PRKN: variants seen among roughly 807,000 people sequenced by gnomAD.
PRKN encodes E3 ubiquitin-protein ligase parkin.
Under a neutral mutation model 59.5 loss-of-function variants are expected in PRKN, and 56 were observed. The observed-to-expected ratio is 0.94, with a 90% CI of 0.76 to 1.18. The LOEUF (loss-of-function observed/expected upper bound fraction) is 1.18, where lower values mean the gene tolerates loss of function less well. Ranked by LOEUF, PRKN falls within the 50% of genes most tolerant of loss-of-function variation. The pLI is 0.00. For synonymous variants in PRKN, 250 were observed against 222.1 expected, an observed-to-expected ratio of 1.13 and a Z score of -1.12; for missense variants, 657 against 596.4, an observed-to-expected ratio of 1.10 and a Z score of -1.06.
intron 1 of PRKN, among the ~76,000 whole-genome samples, chr6:162,652,805 G>A (rs891063756): frequency 2.6e-5 from 4 of 151,660 alleles, no homozygotes; most frequent in Non-Finnish European, 5.9e-5. Context: ...AGAAGAAGAA[G>A]AAAAAATAAA....
rs1470328107 is a variant in PRKN at position 161,576,855 on chromosome 6, C to G, written c.872-7439G>C. ...ATGAGTTAGCTAGAGTGAAATGTAT[C>G]AAAACAGGTAAATCTCAAAATCATA... On this transcript the variant is annotated intron_variant, in intron 7 of 11. Coordinates refer to ENST00000366898, the MANE Select transcript of PRKN (RefSeq NM_004562.3). This position sits in a 1 kb window ranked among gnomAD's most constrained non-coding sequence, Gnocchi z 4.6. Among the ~76,000 whole-genome samples, 2 of 152,044 alleles carry G rather than the reference C, an allele frequency of 1.3e-5. No homozygotes were observed. Among genetic ancestry groups the G allele is most frequent in the Non-Finnish European group, 2.9e-5 (2 of 68,024 alleles).
chr6:161,737,342 G>A (rs1282517708), intron 7 of PRKN, among the ~76,000 whole-genome samples: 2 of 152,228 alleles, frequency 1.3e-5, no homozygotes, highest in African/African-American at 4.8e-5. Flanking sequence ...GCGCCCTTGC[G>A]AAGGCTGAGG....
Position 161,844,837 on chromosome 6 carries a change from C to G in PRKN, c.735-58929G>C, listed in dbSNP as rs140283546. Among the ~76,000 whole-genome samples the G allele has an allele frequency of 4.0e-3, 606 of 152,352 alleles. 5 individuals are homozygous for G. Among genetic ancestry groups the G allele is most frequent in the African/African-American group, 0.014 (575 of 41,590 alleles). On this transcript the variant is annotated intron_variant, in intron 6 of 11. Coordinates refer to ENST00000366898, the MANE Select transcript of PRKN (RefSeq NM_004562.3). ...CCTGCCTGCCTCCTGGTGTGCAATG[C>G]TGATGTCAGCCGTGGAGTTGGCGTA...
chr6:161,455,861 CAAAAAAA>C lies in PRKN; in HGVS notation c.1084-68991_1084-68985del, dbSNP rs60382394. Reference sequence around the variant, plus strand: ...CTGGCGACACAGCAAGACTCCGTCTCAAAAAAAAAAAAAAAAAAATTAGGTGCATACA... The same window carrying C: ...CTGGCGACACAGCAAGACTCCGTCTCAAAAAAAAAAAATTAGGTGCATACA... On this transcript the variant is annotated intron_variant, in intron 9 of 11. Transcript: ENST00000366898. Among the ~76,000 whole-genome samples, 6 of 72,802 alleles carry C rather than the reference CAAAAAAA, an allele frequency of 8.2e-5. No individual in the cohort carries two copies. The East Asian group carries it at 2.3e-3, about 28-fold the overall frequency. The allele number at this position is 72,802 out of a possible 152,430, so 47.8% of individuals were successfully genotyped here. A position where few individuals can be genotyped will look rare whatever the true frequency, so the allele number is the denominator to read the frequency against.
rs142008479 is a variant in PRKN, at chr6:162,211,604, T to G, written c.413-10352A>C. On this transcript the variant is annotated intron_variant, in intron 3 of 11. Coordinates refer to ENST00000366898, the MANE Select transcript of PRKN (RefSeq NM_004562.3). The stretch of plus-strand genomic sequence containing the variant: ...AGAGGAATGGCATTAATTAAGAGAG[T>G]AGAGCAACACGGTGTGAGCCTCCAA... Among the ~76,000 whole-genome samples, 120 of 152,192 alleles carry G rather than the reference T, an allele frequency of 7.9e-4. 1 individual carries two copies. The highest frequency in any genetic ancestry group is 2.6e-3 in the African/African-American group (108 of 41,530).
intron 2 of PRKN, among the ~76,000 whole-genome samples, chr6:162,273,169 C>T (rs1165051932): frequency 6.6e-6 from 1 of 151,938 alleles, no homozygotes; most frequent in Non-Finnish European, 1.5e-5. Flanking sequence ...ACAAAAGTAG[C>T]TGTTTTTGTA....
At chr6:161,703,275 T>C (rs1477122847) in intron 7 of PRKN, among the ~76,000 whole-genome samples, 2 of 152,048 alleles carry the variant, frequency 1.3e-5, no homozygotes, top group Admixed American at 6.6e-5. Flanking sequence ...GCCAGGGCAA[T>C]GGACAGAGCA....
At chr6:162,502,157 G>C (rs1238775612) in intron 1 of PRKN, among the ~76,000 whole-genome samples, 1 of 151,988 alleles carries the variant, frequency 6.6e-6, no homozygotes, top group Non-Finnish European at 1.5e-5. Flanking sequence ...ACTGATGAGA[G>C]GCATCCCACG....
At chr6:161,886,596 C>T (rs1026833574) in intron 6 of PRKN, among the ~76,000 whole-genome samples, 1 of 152,024 alleles carries the variant, frequency 6.6e-6, no homozygotes, top group African/African-American at 2.4e-5. Context: ...CTCAGGAAGG[C>T]TGAGGCAGGA....
intron 4 of PRKN, among the ~76,000 whole-genome samples, chr6:162,123,382 A>G (rs1489420569): frequency 1.3e-5 from 2 of 152,240 alleles, no homozygotes; most frequent in Non-Finnish European, 2.9e-5. Flanking sequence ...GAGGAACTGT[A>G]GAAAAGAGAT....
chr6:161,879,239 A>G (rs1425938241), intron 6 of PRKN, among the ~76,000 whole-genome samples: 1 of 151,862 alleles, frequency 6.6e-6, no homozygotes, highest in Non-Finnish European at 1.5e-5. Flanking sequence ...AAGAATATTG[A>G]GCTCACACTT....
intron 6 of PRKN, among the ~76,000 whole-genome samples, chr6:161,851,992 C>T (rs1177582791): frequency 6.7e-6 from 1 of 150,202 alleles, no homozygotes; most frequent in Non-Finnish European, 1.5e-5. Flanking sequence ...GAGGCTGAGG[C>T]AGGAGAATCT....
chr6:162,669,419 G>A lies in PRKN; in HGVS notation c.7+58243C>T, dbSNP rs1327317612. ...GGACTGTTTATTTAGAGATCTGGATGGTAAGCTAAACTTTAGAATTAAGGA... is the reference window on the plus strand; with the variant it reads ...GGACTGTTTATTTAGAGATCTGGATAGTAAGCTAAACTTTAGAATTAAGGA... On this transcript the variant is annotated intron_variant, in intron 1 of 11. Transcript: ENST00000366898. Among the ~76,000 whole-genome samples the A allele has an allele frequency of 2.6e-5, 4 of 152,106 alleles. No homozygotes were observed. In the East Asian group the frequency reaches 7.7e-4, roughly 29 times the overall value.
intron 5 of PRKN, among the ~76,000 whole-genome samples, chr6:162,009,211 C>T (rs1782383873): frequency 1.3e-5 from 2 of 151,812 alleles, no homozygotes; most frequent in South Asian, 4.2e-4. Context: ...TGAGATCACG[C>T]CACTGCACTC....
rs189906262 is a variant in PRKN at position 162,450,317 on chromosome 6, G to A, written c.8-6844C>T. Among the ~76,000 whole-genome samples the A allele has an allele frequency of 6.1e-4, 59 of 97,490 alleles. 1 individual carries two copies. Among genetic ancestry groups the A allele is most frequent in the Admixed American group, 2.4e-3 (23 of 9,586 alleles). 64.0% of individuals were successfully genotyped at this position (97,490 alleles called of 152,430 possible). On this transcript the variant is annotated intron_variant, in intron 1 of 11. Transcript: ENST00000366898. ...AACACCCCTGTGAATATGAACGCCC[G>A]TGAATGTAAACGCCCCTGTGATTGT...
intron 1 of PRKN, among the ~76,000 whole-genome samples, chr6:162,492,624 T>C (rs552013959): frequency 1.3e-5 from 2 of 151,930 alleles, no homozygotes; most frequent in Admixed American, 1.3e-4. Flanking sequence ...GCCAACATGG[T>C]GAAACCCCCT....
At chr6:162,429,513 G>A (rs773432897) in intron 2 of PRKN, among the ~76,000 whole-genome samples, 5 of 151,978 alleles carry the variant, frequency 3.3e-5, no homozygotes, top group Admixed American at 1.3e-4. Context: ...GATTCTACCC[G>A]GATTTCTCTT....
intron 1 of PRKN, among the ~76,000 whole-genome samples, chr6:162,450,431 T>TGTGATTGTAA (rs1790570083): frequency 3.3e-5 from 4 of 120,352 alleles, no homozygotes; most frequent in African/African-American, 2.2e-4. Context: ...TGTGATTGTC[T>TGTGATTGTAA]TCCTCCTGAA....
rs879513594 is a variant in PRKN, at chr6:161,458,362, G to A, written c.1084-71485C>T. 2.6e-5 allele frequency among the ~76,000 whole-genome samples: 4 copies of A among 152,108 alleles called. No homozygotes were observed. The highest frequency in any genetic ancestry group is 4.4e-5 in the Non-Finnish European group (3 of 68,030). On this transcript the variant is annotated intron_variant, in intron 9 of 11. Transcript: ENST00000366898. The surrounding 1 kb of genome is among the most constrained non-coding windows in gnomAD (Gnocchi z 6.1). ...TTTCATCCAGCATCTCGGGTGCCTGGTGTGATCGACCATAAGTGCAGCTGA... is the reference window on the plus strand; with the variant it reads ...TTTCATCCAGCATCTCGGGTGCCTGATGTGATCGACCATAAGTGCAGCTGA...
Sources: allele counts gnomAD v4.1 joint callset (sites outside exome capture counted in the v4.1 genomes callset), GRCh38; gene constraint gnomAD v4.1.1; non-coding constraint Gnocchi (gnomAD v3.1); transcripts MANE v1.5; gene names NCBI Gene and HGNC (gene_info 2026-07-23, HGNC 2026-07-21).